The following ZNF536 variants were observed in gnomAD, a reference collection of about 807,000 sequenced individuals.
ZNF536 encodes the protein zinc finger protein 536.
Under a neutral mutation model 84.5 loss-of-function variants are expected in ZNF536, and 13 were observed. The observed-to-expected ratio is 0.15, with a 90% CI of 0.10 to 0.24. The LOEUF is 0.24. ZNF536 is among the 10% of genes least tolerant of loss of function. ZNF536 has a pLI of 1.00. For missense variants in ZNF536, 1,536 were observed against 1,747.5 expected, an observed-to-expected ratio of 0.88 and a Z score of 2.16; for synonymous variants, 811 against 742.5, an observed-to-expected ratio of 1.09 and a Z score of -1.50.
chr19:30,682,099 A>T (rs1335586345), intron 1 of ZNF536, among the ~76,000 whole-genome samples: 2 of 152,134 alleles, frequency 1.3e-5, no homozygotes, highest in African/African-American at 4.8e-5. Flanking sequence ...ACAACGAGGG[A>T]GGGGCTTGCG....
intron 1 of ZNF536, among the ~76,000 whole-genome samples, chr19:30,577,631 T>C (rs2046786052): frequency 6.6e-6 from 1 of 152,228 alleles, no homozygotes; most frequent in South Asian, 2.1e-4. Context: ...CTTCTTTCTC[T>C]GTTGCTCATT....
chr19:30,384,201 TTCCA>T, intron 1 of ZNF536, among the ~76,000 whole-genome samples: 2 of 54,522 alleles, frequency 3.7e-5, no homozygotes, highest in Admixed American at 1.8e-4. Context: ...CCTTCCTTCC[TTCCA>T]TCCTCCCTCC....
At chr19:30,697,411 C>A (rs553820294) in intron 1 of ZNF536, among the ~76,000 whole-genome samples, 8 of 152,338 alleles carry the variant, frequency 5.3e-5, no homozygotes, top group Admixed American at 5.2e-4. Flanking sequence ...GGTTACCATG[C>A]AATGGGCACG....
chr19:30,647,461 C>T (rs1304816885), intron 1 of ZNF536, among the ~76,000 whole-genome samples: 2 of 152,200 alleles, frequency 1.3e-5, no homozygotes, highest in African/African-American at 4.8e-5. Flanking sequence ...GTTATCAGTC[C>T]TTAGACACTC....
intron 2 of ZNF536, among the ~76,000 whole-genome samples, chr19:30,307,523 G>C (rs2046376726): frequency 6.6e-6 from 1 of 152,138 alleles, no homozygotes; most frequent in Non-Finnish European, 1.5e-5. Context: ...GTATGAGGAA[G>C]ATGTGCCTTT....
downstream of ZNF536, among the ~76,000 whole-genome samples, chr19:30,559,048 ACT>A (rs1204399620): frequency 1.3e-5 from 2 of 152,142 alleles, no homozygotes; most frequent in African/African-American, 4.8e-5. Flanking sequence ...TTTTCAAGTG[ACT>A]CTGACTCCAA....
intron 1 of ZNF536, among the ~76,000 whole-genome samples, chr19:30,699,346 A>T (rs2051796869): frequency 6.6e-6 from 1 of 152,208 alleles, no homozygotes; most frequent in Non-Finnish European, 1.5e-5. Flanking sequence ...ATAAATATGA[A>T]GTTAAGCTTG....
chr19:30,451,399 T>G (rs2052601889), intron 2 of ZNF536, among the ~76,000 whole-genome samples: 1 of 152,248 alleles, frequency 6.6e-6, no homozygotes, highest in African/African-American at 2.4e-5. Flanking sequence ...TATCATCTCG[T>G]GCTTAGGAGC....
chr19:30,333,199 A>G (rs1204335857), intron 2 of ZNF536, among the ~76,000 whole-genome samples: 1 of 152,202 alleles, frequency 6.6e-6, no homozygotes, highest in Non-Finnish European at 1.5e-5. Context: ...ATAAATAAGG[A>G]AATAATATTT....
chr19:30,321,710 C>CT (rs796709657), intron 2 of ZNF536, among the ~76,000 whole-genome samples: 4,569 of 141,502 alleles, frequency 0.032, 219 homozygotes, highest in African/African-American at 0.11. Flanking sequence ...TCATCTTCCT[C>CT]TTTTTTTTTT....
At chr19:30,272,366 A>G (rs1486634342) in intron 1 of ZNF536, among the ~76,000 whole-genome samples, 1 of 152,138 alleles carries the variant, frequency 6.6e-6, no homozygotes, top group African/African-American at 2.4e-5. Flanking sequence ...TTCCTCTGCT[A>G]TTAAATTTGT....
At chr19:30,324,682 C>G (rs977687477) in intron 2 of ZNF536, among the ~76,000 whole-genome samples, 2 of 152,210 alleles carry the variant, frequency 1.3e-5, no homozygotes, top group African/African-American at 4.8e-5. Flanking sequence ...ATGAGCCACT[C>G]CGTCTGACTT....
chr19:30,561,940 C>T (rs140934246), downstream of ZNF536, among the ~76,000 whole-genome samples: 244 of 152,274 alleles, frequency 1.6e-3, 2 homozygotes, highest in African/African-American at 5.7e-3. Context: ...AAGTCGCAGA[C>T]CTACCAGAGC....
chr19:30,593,654 C>T (rs1429858193), intron 1 of ZNF536, among the ~76,000 whole-genome samples: 1 of 152,222 alleles, frequency 6.6e-6, no homozygotes, highest in South Asian at 2.1e-4. Flanking sequence ...CAGAGTTTTG[C>T]TGTCTTTGTT....
Position 30,664,210 on chromosome 19 carries a change from CTCTCTCTCT to C in ZNF536, c.170-46546_170-46538del, listed in dbSNP as rs1568650264. 1.6e-3 allele frequency among the ~76,000 whole-genome samples: 13 copies of C among 8,154 alleles called. 1 individual carries two copies. The East Asian group carries it at 0.025, about 16-fold the overall frequency. 5.3% of individuals were successfully genotyped at this position (8,154 alleles called of 152,430 possible). ...GAGGAATTCTTGCTGAGTTTTCTCT[CTCTCTCTCT>C]CTCTCTCTCTCTCTCTCTCTCTCTC... On this transcript the variant is annotated intron_variant, in intron 1 of 1. Transcript: ENST00000592773.
At chr19:30,356,944 GGTGGT>G (rs1274665739) in intron 3 of ZNF536, among the ~76,000 whole-genome samples, 1 of 152,166 alleles carries the variant, frequency 6.6e-6, no homozygotes, top group African/African-American at 2.4e-5. Context: ...CCTCAAACCT[GGTGGT>G]TCGAGCATGG....
chr19:30,562,615 G>A (rs547680521), downstream of ZNF536, among the ~76,000 whole-genome samples: 1 of 152,104 alleles, frequency 6.6e-6, no homozygotes, highest in East Asian at 1.9e-4. Flanking sequence ...TGATGATCAG[G>A]TTATCTTTGA....
At chr19:30,400,904 T>C (rs1440427369) in intron 1 of ZNF536, among the ~76,000 whole-genome samples, 1 of 152,234 alleles carries the variant, frequency 6.6e-6, no homozygotes, top group Non-Finnish European at 1.5e-5. Context: ...TGAATTTTAC[T>C]TCCGGTATCA....
intron 1 of ZNF536, among the ~76,000 whole-genome samples, chr19:30,654,130 C>T (rs374693992): frequency 4.6e-5 from 7 of 152,256 alleles, no homozygotes; most frequent in South Asian, 4.1e-4. Context: ...TTGAAACAAG[C>T]GGGCTGCATA....
Sources: allele counts gnomAD v4.1 joint callset (sites outside exome capture counted in the v4.1 genomes callset), GRCh38; gene constraint gnomAD v4.1.1; transcripts MANE v1.5; gene names NCBI Gene and HGNC (gene_info 2026-07-23, HGNC 2026-07-21).